Variants in DCHS2 observed in about 807,000 individuals in gnomAD.
DCHS2 encodes dachsous cadherin-related 2.
Under a neutral mutation model 182.4 loss-of-function variants are expected in DCHS2, and 142 were observed. That is an observed-to-expected ratio of 0.78 (90% CI 0.68 to 0.89). The LOEUF (loss-of-function observed/expected upper bound fraction) is 0.89, where lower values mean the gene tolerates loss of function less well. Ranked by LOEUF, DCHS2 falls within the 40% of genes least tolerant of loss-of-function variation. The pLI, the probability that DCHS2 is intolerant of heterozygous loss-of-function variation, is 0.00. For synonymous variants in DCHS2, 1,740 were observed against 1,663.3 expected (o/e 1.05, Z -1.12); for missense variants, 4,319 against 4,198.6 (o/e 1.03, Z -0.79).
In DCHS2 at chr4:154,235,400, A is replaced by G. The variant is rs1731420533; in HGVS notation, c.9252T>C (p.Asn3084=). The G allele has an allele frequency of 6.2e-7, 1 of 1,613,822 alleles. No individual in the cohort carries two copies. Among genetic ancestry groups the G allele is most frequent in the African/African-American group, 1.3e-5 (1 of 74,864 alleles). ...CACTGGAGTTTGAGTGTCTGTACAGATTGACAATATCCTTCTCCATGATAC... is the reference window on the plus strand; with the variant it reads ...CACTGGAGTTTGAGTGTCTGTACAGGTTGACAATATCCTTCTCCATGATAC... ...LISIMEKDIV[N]LYRHSNSSGH... The change falls in exon 20 of 20, where the codon AAT becomes AAC. Residue 3084 remains asparagine, a synonymous_variant. Transcript: ENST00000357232.
In DCHS2 at chr4:154,489,592, A is replaced by G. The variant is rs376268947; in HGVS notation, c.1764T>C (p.Asn588=). 5 of 1,550,638 alleles carry G rather than the reference A, an allele frequency of 3.2e-6. No homozygotes were observed. In the African/African-American group the frequency reaches 5.5e-5, roughly 17 times the overall value. ...YTVVQLSAPC[N]LGSLQSKMVH... Reference sequence around the variant, plus strand: ...CCATCTTTGATTGCAGGGAGCCGAGATTGCAGGGAGCCGAGAGTTGGACTA... The same window carrying G: ...CCATCTTTGATTGCAGGGAGCCGAGGTTGCAGGGAGCCGAGAGTTGGACTA... Residue 588 remains asparagine (N), a synonymous_variant, in exon 1 of 20, where the codon AAT becomes AAC. Transcript: ENST00000357232.
rs1485198828 is a variant in DCHS2 at position 154,305,211 on chromosome 4, A to G, written c.5281T>C (p.Phe1761Leu). 2 of 1,610,556 alleles carry G rather than the reference A, an allele frequency of 1.2e-6. No individual in the cohort carries two copies. The highest frequency in any genetic ancestry group is 3.4e-5 in the Admixed American group (2 of 59,324). Residue 1761 changes from phenylalanine to leucine, a missense_variant, in exon 11 of 20, where the codon TTT (phenylalanine) becomes CTT (leucine). Physicochemically the swap from Phe to Leu is conservative, Grantham distance 22 (BLOSUM62 0). Transcript: ENST00000357232. ...RDSGVNSKLQ[F>L]EIMPGASFEL... ...AATGAAGCACCTGGCATGATTTCAA[A>G]CTGAAGCTTGGAATTGACTCCTTAA...
At chr4:154,400,852 C>G (rs988476529) in intron 1 of DCHS2, among the ~76,000 whole-genome samples, 4 of 152,208 alleles carry the variant, frequency 2.6e-5, no homozygotes, top group Non-Finnish European at 5.9e-5. Context: ...AACTTGGGAA[C>G]TGCCAACTGC....
chr4:154,268,234 C>CA (rs979095368), intron 14 of DCHS2, among the ~76,000 whole-genome samples: 1 of 129,794 alleles, frequency 7.7e-6, no homozygotes, highest in African/African-American at 3.0e-5. Context: ...TCACTTTCCC[C>CA]CCCCCAAAAA....
chr4:154,351,016 G>T (rs1195546981), intron 3 of DCHS2, among the ~76,000 whole-genome samples: 1 of 152,182 alleles, frequency 6.6e-6, no homozygotes, highest in Non-Finnish European at 1.5e-5. Context: ...AGAAGTTCTT[G>T]TTCTGGTTTG....
Position 154,491,207 on chromosome 4 carries a change from A to G in DCHS2, c.149T>C (p.Leu50Pro). 1 of 1,551,384 alleles carries G rather than the reference A, an allele frequency of 6.4e-7. No individual in the cohort carries two copies. Among genetic ancestry groups the G allele is most frequent in the African/African-American group, 1.4e-5 (1 of 73,124 alleles). The change falls in exon 1 of 20, where the codon CTC (leucine) becomes CCC (proline). Residue 50 changes from leucine (L) to proline (P), a missense_variant. By Grantham distance (98) the Leu-to-Pro change is moderately conservative (BLOSUM62 -3). Coordinates refer to ENST00000357232, the MANE Select transcript of DCHS2 (RefSeq NM_001358235.2). Reference protein sequence around the residue: ...GARTQRSLLWLLVHVWLWAAS... With the variant: ...GARTQRSLLWPLVHVWLWAAS... ...CGCCCACAGCCACACGTGCACCAAG[A>G]GCCAGAGCAGGGAGCGCTGCGTCCT...
intron 3 of DCHS2, among the ~76,000 whole-genome samples, chr4:154,363,738 G>T (rs1156322117): frequency 2.6e-5 from 4 of 152,178 alleles, no homozygotes. Flanking sequence ...AGTGTGAGAG[G>T]TGATGGTTAT....
intron 1 of DCHS2, among the ~76,000 whole-genome samples, chr4:154,431,474 T>C (rs1733557363): frequency 6.6e-6 from 1 of 152,184 alleles, no homozygotes; most frequent in Admixed American, 6.6e-5. Context: ...GTTAGATATA[T>C]TCCTAGTCAT....
intron 1 of DCHS2, among the ~76,000 whole-genome samples, chr4:154,425,372 C>A (rs145334532): frequency 1.3e-5 from 2 of 152,314 alleles, no homozygotes; most frequent in East Asian, 3.9e-4. Context: ...AGTAAAATTT[C>A]TGAGCTGAGT....
chr4:154,317,642 TGA>T lies in DCHS2; in HGVS notation c.5021-1657_5021-1656del, dbSNP rs140426271. ...TAACTTTATTTTTTAGTGAATAAGA[TGA>T]GAGTTTATTAATTTTTCAATATTCC... On this transcript the variant is annotated intron_variant, in intron 9 of 19. Transcript: ENST00000357232. 5.0e-3 allele frequency among the ~76,000 whole-genome samples: 764 copies of T among 152,258 alleles called. 10 individuals carry two copies. Among genetic ancestry groups the T allele is most frequent in the African/African-American group, 0.018 (733 of 41,552 alleles).
Position 154,322,379 on chromosome 4 carries a change from A to G in DCHS2, c.4128T>C (p.Thr1376=). 1 of 1,613,846 alleles carries G rather than the reference A, an allele frequency of 6.2e-7. No individual in the cohort carries two copies. Among genetic ancestry groups the G allele is most frequent in the Non-Finnish European group, 8.5e-7 (1 of 1,179,830 alleles). ...RPSYRMSVIA[T]DQGVPPLQGQ... is the part of the protein sequence containing the mutation. ...CTTGAAGAGGAGGCACTCCCTGGTC[A>G]GTGGCAATGACACTCATTCTGTAGG... The change falls in exon 8 of 20, where the codon ACT becomes ACC. Residue 1376 remains threonine, a synonymous_variant. Coordinates refer to ENST00000357232, the MANE Select transcript of DCHS2 (RefSeq NM_001358235.2).
At chr4:154,241,468 C>G (rs967501439) in intron 17 of DCHS2, among the ~76,000 whole-genome samples, 18 of 152,090 alleles carry the variant, frequency 1.2e-4, no homozygotes, top group African/African-American at 4.3e-4. Context: ...ATGAAATGTT[C>G]AATGCCTCAC....
At chr4:154,458,246 C>T (rs1392430506) in intron 1 of DCHS2, among the ~76,000 whole-genome samples, 1 of 148,814 alleles carries the variant, frequency 6.7e-6, no homozygotes, top group African/African-American at 2.4e-5. Flanking sequence ...TGCTAAAATT[C>T]TAAATAAAAT....
At chr4:154,323,074 C>G in intron 7 of DCHS2, 4 of 937,960 alleles carry the variant, frequency 4.3e-6, no homozygotes, top group Non-Finnish European at 6.1e-6. Flanking sequence ...CCACCCATCT[C>G]TCTATTTGTC....
intron 3 of DCHS2, among the ~76,000 whole-genome samples, chr4:154,359,921 T>C (rs1203971685): frequency 2.0e-5 from 3 of 152,086 alleles, no homozygotes; most frequent in Non-Finnish European, 4.4e-5. Context: ...AGAGGTCATT[T>C]TTCTATCTTA....
At chr4:154,312,864 T>A (rs1478492680) in intron 10 of DCHS2, among the ~76,000 whole-genome samples, 1 of 152,226 alleles carries the variant, frequency 6.6e-6, no homozygotes, top group East Asian at 1.9e-4. Context: ...AAGATAAAGC[T>A]ATCAGCCCAG....
At chr4:154,281,287 C>A (rs1475382638) in intron 13 of DCHS2, among the ~76,000 whole-genome samples, 1 of 152,032 alleles carries the variant, frequency 6.6e-6, no homozygotes, top group East Asian at 1.9e-4. Flanking sequence ...ATGTGTAAAA[C>A]CCTAAAGATC....
Position 154,491,405 on chromosome 4 carries a change from C to A in DCHS2, c.-50G>T. On this transcript the variant is annotated 5_prime_UTR_variant, in exon 1 of 20. Coordinates refer to ENST00000357232, the MANE Select transcript of DCHS2 (RefSeq NM_001358235.2). ...CTCTCGGGTAACTGCCAGCTTGTGG[C>A]AGGATCGCAGAAAAATCCAGGAGCC... 2 of 1,448,646 alleles carry A rather than the reference C, an allele frequency of 1.4e-6. No homozygotes were observed. 89.7% of individuals were successfully genotyped at this position (1,448,646 alleles called of 1,614,324 possible). A position where few individuals can be genotyped will look rare whatever the true frequency, so the allele number is the denominator to read the frequency against.
intron 7 of DCHS2, among the ~76,000 whole-genome samples, chr4:154,326,880 G>A (rs1736306369): frequency 6.6e-6 from 1 of 152,066 alleles, no homozygotes; most frequent in Non-Finnish European, 1.5e-5. Context: ...TTTTCCACAT[G>A]ATGTTTAGAA....
Sources: allele counts gnomAD v4.1 joint callset (sites outside exome capture counted in the v4.1 genomes callset), GRCh38; gene constraint gnomAD v4.1.1; transcripts MANE v1.5; gene names NCBI Gene and HGNC (gene_info 2026-07-23, HGNC 2026-07-21).